The following VWA3B variants were observed in gnomAD, a reference collection of about 807,000 sequenced individuals.
VWA3B encodes the protein von Willebrand factor A domain containing 3B, also known as von Willebrand factor A domain-containing protein 3B.
In VWA3B, 138 loss-of-function variants were observed where a neutral mutation model predicts 158.3. The observed-to-expected ratio is 0.87, with a 90% CI of 0.76 to 1.00. The LOEUF is 1.00. VWA3B is among the 50% of genes least tolerant of loss of function. The probability of loss-of-function intolerance (pLI) is 0.00; values close to 1 mark genes in which losing one functional copy is unlikely to be tolerated. For missense variants in VWA3B, 1,555 were observed against 1,565.1 expected (o/e 0.99, Z 0.11); for synonymous variants, 596 against 587.3 (o/e 1.01, Z -0.21).
At chr2:98,305,129 C>A (rs1434692599) in intron 26 of VWA3B, among the ~76,000 whole-genome samples, 1 of 152,172 alleles carries the variant, frequency 6.6e-6, no homozygotes, top group Non-Finnish European at 1.5e-5. Flanking sequence ...CCTAAACCCT[C>A]CTCTTGAGGC....
At chr2:98,317,805 G>A (rs1691121486), downstream of VWA3B, among the ~76,000 whole-genome samples, 1 of 152,118 alleles carries the variant, frequency 6.6e-6, no homozygotes, top group Admixed American at 6.5e-5. Flanking sequence ...ATCTCCTGAG[G>A]GCTGTGTCAC....
At chr2:98,115,886 T>C (rs1674496704) in intron 3 of VWA3B, 140 bp downstream of exon 3, 10 of 616,856 alleles carry the variant, frequency 1.6e-5, no homozygotes. Context: ...GGTTTTCTTT[T>C]GGCATTGATA....
chr2:98,247,550 G>A (rs983785635), intron 19 of VWA3B, among the ~76,000 whole-genome samples: 11 of 151,986 alleles, frequency 7.2e-5, no homozygotes, highest in South Asian at 2.1e-4. Flanking sequence ...TTTTCTCTTG[G>A]CTGTTGAGTG....
At chr2:98,157,131 G>A (rs1486749866) in intron 7 of VWA3B, among the ~76,000 whole-genome samples, 2 of 152,216 alleles carry the variant, frequency 1.3e-5, no homozygotes, top group Non-Finnish European at 2.9e-5. Context: ...AGAGGGCCCA[G>A]AGGACGGTGC....
Position 98,236,649 on chromosome 2 carries a change from C to G in VWA3B, c.2592C>G (p.Ala864=), listed in dbSNP as rs1414671037. The G allele has an allele frequency of 7.4e-6, 12 of 1,614,232 alleles. No homozygotes were observed. Among genetic ancestry groups the G allele is most frequent in the Non-Finnish European group, 9.3e-6 (11 of 1,180,034 alleles). The change falls in exon 19 of 28, where the codon GCC becomes GCG. Residue 864 remains alanine, a synonymous_variant. Transcript: ENST00000477737. ...LVAKKLTLMD[A]LSVAAVPHSS... ...CCAAGAAACTCACCCTCATGGATGC[C>G]TTGTCAGTGGCAGCAGTCCCGCACA... is the stretch of plus-strand genomic sequence containing the variant.
In VWA3B at chr2:98,197,768, T is replaced by A. The variant is rs185727346; in HGVS notation, c.1737+3276T>A. 5.3e-5 allele frequency among the ~76,000 whole-genome samples: 8 copies of A among 152,208 alleles called. No homozygotes were observed. In the East Asian group the frequency reaches 1.5e-3, roughly 29 times the overall value. ...ATGCATCCACCTTTTTTTCCCCCTT[T>A]AGCATTTCTTGATTTTCTGTCACTA... On this transcript the variant is annotated intron_variant, in intron 12 of 27. Coordinates refer to ENST00000477737, the MANE Select transcript of VWA3B (RefSeq NM_144992.5).
At chr2:98,303,581 T>C in intron 25 of VWA3B, 121 bp from the exon 26 acceptor site, 1 of 869,822 alleles carries the variant, frequency 1.1e-6, no homozygotes, top group South Asian at 1.6e-5. Context: ...CTCTTTTAAG[T>C]GTCACCCTGA....
At chr2:98,229,949 G>A (rs1685212647) in intron 15 of VWA3B, 101 bp from the exon 16 acceptor site, 1 of 1,297,224 alleles carries the variant, frequency 7.7e-7, no homozygotes, top group African/African-American at 1.5e-5. Context: ...TTTAAAGTTT[G>A]CAGTGTTCAA....
chr2:98,177,136 T>C (rs1680079543), intron 8 of VWA3B, among the ~76,000 whole-genome samples: 1 of 152,122 alleles, frequency 6.6e-6, no homozygotes, highest in Non-Finnish European at 1.5e-5. Flanking sequence ...CTATGCCCAA[T>C]TTATCTATTT....
chr2:98,287,845 A>C (rs1289271342), intron 22 of VWA3B, among the ~76,000 whole-genome samples: 1 of 152,170 alleles, frequency 6.6e-6, no homozygotes, highest in Non-Finnish European at 1.5e-5. Context: ...GCGTTCTTCC[A>C]ATTGGATACA....
At chr2:98,179,765 TTC>T (rs1239028127) in intron 8 of VWA3B, among the ~76,000 whole-genome samples, 17 of 142,836 alleles carry the variant, frequency 1.2e-4, no homozygotes, top group East Asian at 2.1e-4. Context: ...CCTCCTTCCT[TTC>T]TCTCTTTCTT....
chr2:98,121,343 T>C lies in VWA3B; in HGVS notation c.587T>C (p.Val196Ala). ...PVKWQENATPVTEQSIATAIS... is the reference protein window; with the variant it reads ...PVKWQENATPATEQSIATAIS... ...AAGTGGCAGGAAAATGCTACTCCTG[T>C]GACCGAACAGTCCATAGCTACTGCC... Residue 196 changes from valine (V) to alanine (A), a missense_variant, in exon 5 of 28, where the codon GTG becomes GCG. Val to Ala is a moderately conservative substitution (Grantham distance 64). Transcript: ENST00000477737. 6.2e-7 allele frequency: 1 copy of C among 1,614,140 alleles called. No individual in the cohort carries two copies. Among genetic ancestry groups the C allele is most frequent in the Non-Finnish European group, 8.5e-7 (1 of 1,179,982 alleles).
chr2:98,242,549 T>C (rs1473882055), intron 19 of VWA3B, among the ~76,000 whole-genome samples: 1 of 151,808 alleles, frequency 6.6e-6, no homozygotes, highest in African/African-American at 2.4e-5. Context: ...ATCATCATTG[T>C]CGTTATCATA....
chr2:98,302,767 C>T (rs1690276133), intron 25 of VWA3B, among the ~76,000 whole-genome samples: 1 of 152,162 alleles, frequency 6.6e-6, no homozygotes, highest in Non-Finnish European at 1.5e-5. Flanking sequence ...TGCCCGGCTG[C>T]CTAGGATACA....
chr2:98,189,024 A>G (rs1277417952), intron 10 of VWA3B, among the ~76,000 whole-genome samples: 4 of 152,138 alleles, frequency 2.6e-5, no homozygotes, highest in Admixed American at 6.5e-5. Flanking sequence ...CCTCTCACAG[A>G]TTTTGATATA....
chr2:98,280,307 T>G lies in VWA3B; in HGVS notation c.3045+9424T>G, dbSNP rs540269996. Reference sequence around the variant, plus strand: ...TTTTTTTGTTTTTCTGTTTGGAATATAGTATATGTTTATTAGATTCCTTTG... The same window carrying G: ...TTTTTTTGTTTTTCTGTTTGGAATAGAGTATATGTTTATTAGATTCCTTTG... On this transcript the variant is annotated intron_variant, in intron 22 of 27. Coordinates refer to ENST00000477737, the MANE Select transcript of VWA3B (RefSeq NM_144992.5). 1.4e-4 allele frequency among the ~76,000 whole-genome samples: 22 copies of G among 152,230 alleles called. No individual in the cohort carries two copies. In the East Asian group the frequency reaches 3.5e-3, roughly 24 times the overall value.
intron 22 of VWA3B, among the ~76,000 whole-genome samples, chr2:98,278,652 G>A (rs987888644): frequency 3.9e-5 from 6 of 152,174 alleles, no homozygotes; most frequent in African/African-American, 1.2e-4. Flanking sequence ...TCCCCCTGAA[G>A]TCAAGCTGCT....
In VWA3B at chr2:98,151,974, T is replaced by C. The variant is rs541020586; in HGVS notation, c.989-10877T>C. The stretch of plus-strand genomic sequence containing the variant: ...GTCACAAAGAGCATTTTTCTAATGG[T>C]CATGGTAGTAACCAGTTTATTTGCA... On this transcript the variant is annotated intron_variant, in intron 7 of 27. Transcript: ENST00000477737. Among the ~76,000 whole-genome samples, 102 of 152,244 alleles carry C rather than the reference T, an allele frequency of 6.7e-4. 1 individual carries two copies. The highest frequency in any genetic ancestry group is 1.2e-3 in the Non-Finnish European group (82 of 68,044).
intron 12 of VWA3B, chr2:98,207,770 A>AAG: frequency 3.2e-6 from 1 of 315,864 alleles, no homozygotes; most frequent in Non-Finnish European, 6.2e-6. Flanking sequence ...CATCTGCTGT[A>AAG]CTGTCCCTCT....
Sources: allele counts gnomAD v4.1 joint callset (sites outside exome capture counted in the v4.1 genomes callset), GRCh38; gene constraint gnomAD v4.1.1; transcripts MANE v1.5; gene names NCBI Gene and HGNC (gene_info 2026-07-23, HGNC 2026-07-21).